NRG1: variants seen among roughly 807,000 people sequenced by gnomAD.
NRG1 encodes the protein neuregulin 1.
NRG1 carries 18 observed loss-of-function variants against 63.8 expected under a neutral mutation model. The observed-to-expected ratio is 0.28, with a 90% confidence interval of 0.19 to 0.42. NRG1 has a LOEUF of 0.42. NRG1 is among the 10% of genes least tolerant of loss of function. The pLI, the probability that NRG1 is intolerant of heterozygous loss-of-function variation, is 1.00. For missense variants in NRG1, 762 were observed against 814.7 expected, an observed-to-expected ratio of 0.94 and a Z score of 0.79; for synonymous variants, 302 against 301.3, an observed-to-expected ratio of 1.00 and a Z score of -0.02.
Position 32,048,693 on chromosome 8 carries a change from C to T in NRG1, c.37+409262C>T, listed in dbSNP as rs527717243. ...GGTGTGAGGTGATATCGCATTGTGA[C>T]GTTAATTTGCGTTTATCCAGTGATT... is the stretch of plus-strand genomic sequence containing the variant. On this transcript the variant is annotated intron_variant, in intron 1 of 10. Coordinates refer to the NRG1 transcript ENST00000519301. 1.2e-4 allele frequency among the ~76,000 whole-genome samples: 18 copies of T among 151,514 alleles called. No individual in the cohort carries two copies. The East Asian group carries it at 3.3e-3, about 28-fold the overall frequency.
intron 1 of NRG1, among the ~76,000 whole-genome samples, chr8:32,443,216 A>T (rs957129197): frequency 2.6e-4 from 40 of 152,220 alleles, no homozygotes; most frequent in African/African-American, 9.6e-4. Flanking sequence ...TGCTGGCATT[A>T]TAGGCATGAG....
chr8:31,673,841 T>C (rs1007038964), intron 1 of NRG1, among the ~76,000 whole-genome samples: 2 of 152,180 alleles, frequency 1.3e-5, no homozygotes, highest in Admixed American at 6.6e-5. Flanking sequence ...CTTTAAAGTA[T>C]ACTGTTCAAT....
At chr8:32,070,371 C>T (rs988980175) in intron 1 of NRG1, among the ~76,000 whole-genome samples, 1 of 152,122 alleles carries the variant, frequency 6.6e-6, no homozygotes, top group African/African-American at 2.4e-5. Flanking sequence ...TGTAAGACTG[C>T]TTGTTAGATG....
chr8:32,608,104 T>G (rs866035032), intron 3 of NRG1, among the ~76,000 whole-genome samples: 27 of 123,912 alleles, frequency 2.2e-4, no homozygotes, highest in African/African-American at 1.0e-3. Context: ...TTTTTTTTTT[T>G]TTGTTTTTTT....
chr8:32,661,539 T>C (rs1352464647), intron 5 of NRG1, among the ~76,000 whole-genome samples: 2 of 152,026 alleles, frequency 1.3e-5, no homozygotes, highest in Admixed American at 6.6e-5. Flanking sequence ...AGATCCAGAA[T>C]TGTGAAATGA....
chr8:31,690,377 G>GT (rs765982943), intron 1 of NRG1, among the ~76,000 whole-genome samples: 11 of 152,182 alleles, frequency 7.2e-5, no homozygotes, highest in Non-Finnish European at 1.3e-4. Flanking sequence ...TGCTATTTGA[G>GT]TAAAGACTTT....
chr8:32,408,763 CT>C (rs1482403566), intron 1 of NRG1, among the ~76,000 whole-genome samples: 1 of 151,930 alleles, frequency 6.6e-6, no homozygotes, highest in Admixed American at 6.6e-5. Flanking sequence ...TTTTAAATTT[CT>C]GTTTATTTAG....
At position 32,366,653 on chromosome 8, in the gene NRG1, T is replaced by TAGTG. The variant is rs752372898; in HGVS notation, c.38-229175_38-229174insAGTG. 1.7e-3 allele frequency among the ~76,000 whole-genome samples: 174 copies of TAGTG among 101,882 alleles called. 2 individuals carry two copies. The highest frequency in any genetic ancestry group is 4.4e-3 in the African/African-American group (117 of 26,758). 66.8% of individuals were successfully genotyped at this position (101,882 alleles called of 152,430 possible). ...TATATACACATATATGTAATATATA[T>TAGTG]TGTGTGTGTGTGTGTGTGTGTGTGT... On this transcript the variant is annotated intron_variant, in intron 1 of 10. Coordinates refer to the NRG1 transcript ENST00000519301.
chr8:32,749,711 A>T, intron 7 of NRG1: 1 of 832,948 alleles, frequency 1.2e-6, no homozygotes, highest in Non-Finnish European at 1.9e-6. Context: ...GGGATCATAC[A>T]GCTATAACAA....
At chr8:31,815,871 G>A (rs1285280487) in intron 1 of NRG1, among the ~76,000 whole-genome samples, 2 of 151,864 alleles carry the variant, frequency 1.3e-5, no homozygotes, top group African/African-American at 2.4e-5. Context: ...GGTGTGAGTG[G>A]TATCTCATAA....
chr8:31,855,255 T>G lies in NRG1; in HGVS notation c.37+215824T>G, dbSNP rs571148256. ...ACAATGTGTGGGAGTCTAAGTCTCT[T>G]TGTAGGTCACTCAGGACTTGCATTA... On this transcript the variant is annotated intron_variant, in intron 1 of 10. Coordinates refer to the NRG1 transcript ENST00000519301. Among the ~76,000 whole-genome samples the G allele has an allele frequency of 8.5e-5, 13 of 152,274 alleles. No individual in the cohort carries two copies. The South Asian group carries it at 1.0e-3, about 12-fold the overall frequency.
intron 1 of NRG1, among the ~76,000 whole-genome samples, chr8:32,040,768 T>TATATATATATATATATATATATAC (rs1819893560): frequency 8.0e-6 from 1 of 124,594 alleles, no homozygotes; most frequent in Non-Finnish European, 1.6e-5. Flanking sequence ...TATATATATA[T>TATATATATATATATATATATATAC]GCGCCTAAAT....
intron 5 of NRG1, among the ~76,000 whole-genome samples, chr8:32,709,205 TTTGAAACTAC>T (rs1817198454): frequency 6.6e-6 from 1 of 152,170 alleles, no homozygotes; most frequent in Non-Finnish European, 1.5e-5. Flanking sequence ...TAATGGTGCA[TTTGAAACTAC>T]AAAGTTCAAT....
chr8:31,936,322 T>A (rs1415551208), intron 1 of NRG1, among the ~76,000 whole-genome samples: 1 of 152,234 alleles, frequency 6.6e-6, no homozygotes, highest in East Asian at 1.9e-4. Context: ...CATAAGTTTT[T>A]TGTTGTAAAA....
chr8:31,822,433 A>G (rs1028513802), intron 1 of NRG1, among the ~76,000 whole-genome samples: 3 of 152,132 alleles, frequency 2.0e-5, no homozygotes, highest in African/African-American at 4.8e-5. Flanking sequence ...AAAAAAAGTG[A>G]CAATGTCACT....
At chr8:32,740,118 G>C (rs750679472) in intron 6 of NRG1, among the ~76,000 whole-genome samples, 1 of 149,822 alleles carries the variant, frequency 6.7e-6, no homozygotes, top group African/African-American at 2.5e-5. Context: ...TCTTATATAC[G>C]TTCAGTAAGA....
rs7824598 is a variant in NRG1 at position 32,357,906 on chromosome 8, C to T, written c.38-237922C>T. On this transcript the variant is annotated intron_variant, in intron 1 of 10. Coordinates refer to the NRG1 transcript ENST00000519301. ...GGAAGATGTGGCAGACTGCCAGTTGCCTTCCCCAGCATAACATTTTCCCAA... is the reference window on the plus strand; with the variant it reads ...GGAAGATGTGGCAGACTGCCAGTTGTCTTCCCCAGCATAACATTTTCCCAA... Among the ~76,000 whole-genome samples, 328 of 152,234 alleles carry T rather than the reference C, an allele frequency of 2.2e-3. 2 individuals carry two copies. The highest frequency in any genetic ancestry group is 7.8e-3 in the African/African-American group (322 of 41,548).
At chr8:32,158,769 G>C (rs1222512993) in intron 1 of NRG1, among the ~76,000 whole-genome samples, 1 of 152,012 alleles carries the variant, frequency 6.6e-6, no homozygotes, top group South Asian at 2.1e-4. Flanking sequence ...ATTTGGGAAG[G>C]AGGAAACGTG....
At chr8:31,680,477 T>C (rs1177470881) in intron 1 of NRG1, among the ~76,000 whole-genome samples, 3 of 151,894 alleles carry the variant, frequency 2.0e-5, no homozygotes, top group Admixed American at 6.6e-5. Context: ...GAACTCATCA[T>C]TTTTATGGCT....
Sources: gnomAD v4.1 joint callset for allele counts (sites outside exome capture counted in the v4.1 genomes callset) on GRCh38, gnomAD v4.1.1 for gene constraint, MANE v1.5 for transcripts, NCBI Gene and HGNC (gene_info 2026-07-23, HGNC 2026-07-21) for gene names.